The following SV2A variants were observed in gnomAD, a reference collection of about 807,000 sequenced individuals.
SV2A encodes solute carrier family 22 member B1.
SV2A carries 25 observed loss-of-function variants against 78.0 expected under a neutral mutation model. That is an observed-to-expected ratio of 0.32 (90% confidence interval 0.23 to 0.45). The LOEUF is 0.45. SV2A is among the 20% of genes least tolerant of loss of function. The pLI is 1.00. For synonymous variants in SV2A, 355 were observed against 384.7 expected (o/e 0.92, Z 0.90); for missense variants, 752 against 971.5 (o/e 0.77, Z 3.00).
At chr1:149,909,048 G>C in intron 8 of SV2A, 144 bp downstream of exon 8, 1 of 725,340 alleles carries the variant, frequency 1.4e-6, no homozygotes, top group East Asian at 2.7e-5. Context: ...TAGCGAAGTA[G>C]AGGAGCTGGC....
chr1:149,906,679 A>G lies in SV2A; in HGVS notation c.1856T>C (p.Met619Thr). The G allele has an allele frequency of 1.2e-6, 2 of 1,614,170 alleles. No individual in the cohort carries two copies. The highest frequency in any genetic ancestry group is 1.7e-6 in the Non-Finnish European group (2 of 1,180,032). The change falls in exon 11 of 13, where the codon ATG (methionine) becomes ACG (threonine). Residue 619 changes from methionine to threonine, a missense_variant. Physicochemically the swap from Met to Thr is moderately conservative, Grantham distance 81. Around this residue, in one of 7 missense-constraint regions of SV2A, gnomAD observed 186 missense variants for 274.6 expected, o/e 0.68. Coordinates refer to ENST00000369146, the MANE Select transcript of SV2A (RefSeq NM_014849.5). ...LPGNIVSALL[M>T]DKIGRLRMLA... Reference sequence around the variant, plus strand: ...CATTCTGAGCCTGCCGATCTTGTCCATGAGCAGGGCAGACACGATATTCCC... The same window carrying G: ...CATTCTGAGCCTGCCGATCTTGTCCGTGAGCAGGGCAGACACGATATTCCC...
At chr1:149,906,112 T>C (rs1363414424) in intron 11 of SV2A, 73 bp from the exon 12 acceptor site, 4 of 1,538,282 alleles carry the variant, frequency 2.6e-6, no homozygotes, top group Non-Finnish European at 2.6e-6. Flanking sequence ...CCCTGTCCCA[T>C]CAGCTGGCTT....
intron 2 of SV2A, among the ~76,000 whole-genome samples, chr1:149,912,611 A>G (rs2092482305): frequency 1.3e-5 from 2 of 151,966 alleles, no homozygotes; most frequent in South Asian, 2.1e-4. Context: ...CCAAGACCCC[A>G]TGGCAATTTG....
At chr1:149,911,056 C>T in intron 3 of SV2A, 79 bp from the exon 4 acceptor site, 1 of 1,519,220 alleles carries the variant, frequency 6.6e-7, no homozygotes, top group Non-Finnish European at 8.8e-7. Flanking sequence ...GGACCCCGAG[C>T]CCCTTTTGTC....
intron 3 of SV2A, among the ~76,000 whole-genome samples, chr1:149,911,431 A>T: frequency 6.6e-6 from 1 of 152,170 alleles, no homozygotes; most frequent in African/African-American, 2.4e-5. Context: ...GGGTGTTAGC[A>T]AGGTTTGTTG....
rs2092489488 is a variant in SV2A, at chr1:149,913,475, T to C, written c.366A>G (p.Val122=). The C allele has an allele frequency of 7.2e-7, 1 of 1,386,278 alleles. No homozygotes were observed. Among genetic ancestry groups the C allele is most frequent in the Non-Finnish European group, 9.6e-7 (1 of 1,036,792 alleles). The allele number at this position is 1,386,278 out of a possible 1,614,324, so 85.9% of individuals were successfully genotyped here. ...RMADGAPLAG[V]RGGLSDGEGP... Reference sequence around the variant, plus strand: ...CCTCCCCATCACTCAAGCCCCCCCTTACTCCAGCCAGGGGCGCCCCATCTG... The same window carrying C: ...CCTCCCCATCACTCAAGCCCCCCCTCACTCCAGCCAGGGGCGCCCCATCTG... Residue 122 remains valine (V), a synonymous_variant, in exon 2 of 13, where the codon GTA becomes GTG. Coordinates refer to ENST00000369146, the MANE Select transcript of SV2A (RefSeq NM_014849.5).
At position 149,909,443 on chromosome 1, in the gene SV2A, C is replaced by A. The variant is rs782164930; in HGVS notation, c.1290+18G>T. The stretch of plus-strand genomic sequence containing the variant: ...ACTTCCCCCACTCCCTTCTATCTAC[C>A]ACCCCGTCCACCATTACCTGCCCCC... On this transcript the variant is annotated intron_variant, in intron 7 of 12. Coordinates refer to ENST00000369146, the MANE Select transcript of SV2A (RefSeq NM_014849.5). 2.0e-5 allele frequency: 32 copies of A among 1,604,850 alleles called. No individual in the cohort carries two copies. The South Asian group carries it at 2.5e-4, about 13-fold the overall frequency.
In SV2A at chr1:149,911,926, G is replaced by C; in HGVS notation, c.677C>G (p.Ala226Gly). The C allele has an allele frequency of 6.2e-7, 1 of 1,614,204 alleles. No homozygotes were observed. Among genetic ancestry groups the C allele is most frequent in the Non-Finnish European group, 8.5e-7 (1 of 1,180,034 alleles). ...MVGAFLWGGL[A>G]DRLGRRQCLL... ...ACACTGCCTCCGACCCAGCCGGTCA[G>C]CCAGACCTCCCCAGAGGAAGGCTCC... is the stretch of plus-strand genomic sequence containing the variant. Residue 226 changes from alanine to glycine, a missense_variant, in exon 3 of 13, where the codon GCT (alanine) becomes GGT (glycine). Physicochemically the swap from Ala to Gly is moderately conservative, Grantham distance 60. This residue lies in a region of SV2A where 291 missense variants were observed against 359.5 expected (regional missense o/e 0.81). Transcript: ENST00000369146.
intron 3 of SV2A, 57 bp from the exon 4 acceptor site, chr1:149,911,034 C>A: frequency 2.5e-6 from 4 of 1,573,210 alleles, no homozygotes; most frequent in Non-Finnish European, 3.4e-6. Context: ...TGATCCCCTG[C>A]CCCACTGCTC....
chr1:149,916,718 T>C (rs587646195), intron 1 of SV2A, among the ~76,000 whole-genome samples: 1 of 151,966 alleles, frequency 6.6e-6, no homozygotes, highest in Non-Finnish European at 1.5e-5. Flanking sequence ...CAATCACTTA[T>C]CAAAACGTCC....
chr1:149,913,966 A>G lies in SV2A; in HGVS notation c.-126T>C. On this transcript the variant is annotated 5_prime_UTR_variant, in exon 2 of 13. Transcript: ENST00000369146. The stretch of plus-strand genomic sequence containing the variant: ...TTACTTAGATGAAGCGTGTTCCAGT[A>G]TCTCTGGGCACAAAAAAAAGAGCAA... The G allele has an allele frequency of 7.1e-7, 1 of 1,411,426 alleles. No homozygotes were observed. Among genetic ancestry groups the G allele is most frequent in the Non-Finnish European group, 9.4e-7 (1 of 1,058,970 alleles). 87.4% of individuals were successfully genotyped at this position (1,411,426 alleles called of 1,614,324 possible).
intron 1 of SV2A, among the ~76,000 whole-genome samples, chr1:149,916,719 C>G (rs587719751): frequency 2.2e-4 from 33 of 152,284 alleles, no homozygotes; most frequent in African/African-American, 7.7e-4. Flanking sequence ...AATCACTTAT[C>G]AAAACGTCCG....
chr1:149,909,422 C>T, intron 7 of SV2A, 39 bp downstream of exon 7: 2 of 1,581,860 alleles, frequency 1.3e-6, no homozygotes, highest in Non-Finnish European at 1.7e-6. Flanking sequence ...TTCTCCACTT[C>T]CCCCACTCCC....
Position 149,917,499 on chromosome 1 carries a change from C to T in SV2A, c.-348+240G>A, listed in dbSNP as rs587659664. Reference sequence around the variant, plus strand: ...TTGGTTAAGGTAGAGAAAAACACCCCTCCTCCCCATTCACCAATATTATAC... The same window carrying T: ...TTGGTTAAGGTAGAGAAAAACACCCTTCCTCCCCATTCACCAATATTATAC... On this transcript the variant is annotated intron_variant, in intron 1 of 12. Coordinates refer to ENST00000369146, the MANE Select transcript of SV2A (RefSeq NM_014849.5). 1.1e-4 allele frequency among the ~76,000 whole-genome samples: 16 copies of T among 152,264 alleles called. No individual in the cohort carries two copies. The East Asian group carries it at 2.9e-3, about 28-fold the overall frequency.
Position 149,908,027 on chromosome 1 carries a change from A to G in SV2A, c.1544+15T>C, listed in dbSNP as rs1275888208. The G allele has an allele frequency of 1.9e-6, 3 of 1,611,680 alleles. No individual in the cohort carries two copies. The highest frequency in any genetic ancestry group is 2.5e-6 in the Non-Finnish European group (3 of 1,178,170). On this transcript the variant is annotated intron_variant, in intron 9 of 12. Transcript: ENST00000369146. ...AGGAACAGGGAAGAAGTGAAGTTTA[A>G]AAGTCCCCACATACTTGTCATTGAA...
intron 3 of SV2A, among the ~76,000 whole-genome samples, chr1:149,911,485 G>A (rs781814688): frequency 2.0e-5 from 3 of 151,684 alleles, no homozygotes; most frequent in Non-Finnish European, 4.4e-5. Flanking sequence ...GGTAACTCTG[G>A]GTCCACAGGA....
chr1:149,916,903 TCAGCTGAGAATG>T (rs2092517620), intron 1 of SV2A, among the ~76,000 whole-genome samples: 2 of 151,884 alleles, frequency 1.3e-5, no homozygotes. Context: ...AATGAGGGTG[TCAGCTGAGAATG>T]CACACTGAGG....
chr1:149,911,714 T>C lies in SV2A; in HGVS notation c.803+86A>G. The C allele has an allele frequency of 3.0e-6, 4 of 1,335,738 alleles. No homozygotes were observed. In the South Asian group the frequency reaches 5.6e-5, roughly 19 times the overall value. The allele number at this position is 1,335,738 out of a possible 1,614,324, so 82.7% of individuals were successfully genotyped here. ...ACACAGATTTAAGGTGCATTTGGTG[T>C]GCCTGGCACTGTGCTGGGCCCTAAA... On this transcript the variant is annotated intron_variant, in intron 3 of 12. Transcript: ENST00000369146.
At chr1:149,906,467 C>G (rs1203845007) in intron 11 of SV2A, among the ~76,000 whole-genome samples, 183 bp downstream of exon 11, 1 of 152,148 alleles carries the variant, frequency 6.6e-6, no homozygotes, top group African/African-American at 2.4e-5. Context: ...TGCTTACCTC[C>G]TTTACCCCCA....
Sources: gnomAD v4.1 joint callset for allele counts (sites outside exome capture counted in the v4.1 genomes callset) on GRCh38, gnomAD v4.1.1 for gene constraint, gnomAD v4.1.1 regional missense constraint, MANE v1.5 for transcripts, NCBI Gene and HGNC (gene_info 2026-07-23, HGNC 2026-07-21) for gene names.